Variants in FIBP observed in about 807,000 individuals in gnomAD.
The protein encoded by FIBP is acidic fibroblast growth factor intracellular-binding protein.
In FIBP, 29 loss-of-function variants were observed where a neutral mutation model predicts 40.5. The ratio of observed to expected loss-of-function variants is 0.72; its 90% CI spans 0.53 to 0.98. FIBP has a LOEUF of 0.98. Ranked by LOEUF, FIBP falls within the 50% of genes least tolerant of loss-of-function variation. FIBP has a pLI of 0.00. For missense variants in FIBP, 411 were observed against 470.2 expected, an observed-to-expected ratio of 0.87 and a Z score of 1.16; for synonymous variants, 215 against 191.1, an observed-to-expected ratio of 1.13 and a Z score of -1.03.
At chr11:65,884,758 C>T in intron 7 of FIBP, 102 bp from the exon 8 acceptor site, 1 of 1,342,836 alleles carries the variant, frequency 7.4e-7, no homozygotes, top group Non-Finnish European at 1.1e-6. Context: ...CAGATCCATC[C>T]ACCTCCCTCC....
Position 65,885,008 on chromosome 11 carries a change from G to A in FIBP, c.756-10C>T. On this transcript the variant is annotated splice_polypyrimidine_tract_variant and intron_variant, in intron 6 of 9. Coordinates refer to ENST00000357519, the MANE Select transcript of FIBP (RefSeq NM_004214.5). ...AGCAGTGCACACCAGGCTGCAGAGA[G>A]ACAGGGTCACGCCTATAGCCACCTG... 1 of 1,614,186 alleles carries A rather than the reference G, an allele frequency of 6.2e-7. No homozygotes were observed. Among genetic ancestry groups the A allele is most frequent in the Non-Finnish European group, 8.5e-7 (1 of 1,180,018 alleles).
Position 65,886,363 on chromosome 11 carries a change from G to C in FIBP, c.471C>G (p.Asp157Glu), listed in dbSNP as rs202203941. 3 of 1,613,900 alleles carry C rather than the reference G, an allele frequency of 1.9e-6. No individual in the cohort carries two copies. Among genetic ancestry groups the C allele is most frequent in the Non-Finnish European group, 1.7e-6 (2 of 1,179,954 alleles). ...AGAGGAGGAAGTGTTGCTGAATATT[G>C]TCCACCAGGGAGCCCCGCATTTCCT... ...VVEEMRGSLV[D>E]NIQQHFLLSD... Residue 157 changes from aspartate (D) to glutamate (E), a missense_variant, in exon 4 of 10, where the codon GAC (aspartate) becomes GAG (glutamate). By Grantham distance (45) the Asp-to-Glu change is conservative (BLOSUM62 2). Coordinates refer to ENST00000357519, the MANE Select transcript of FIBP (RefSeq NM_004214.5).
At chr11:65,887,509 G>T in intron 3 of FIBP, 91 bp downstream of exon 3, 2 of 1,382,222 alleles carry the variant, frequency 1.4e-6, no homozygotes, top group Non-Finnish European at 2.0e-6. Flanking sequence ...TGAAGCTGCT[G>T]CCACAATCAG....
chr11:65,883,740 T>G lies in FIBP; in HGVS notation c.*234A>C. The G allele has an allele frequency of 2.2e-6, 2 of 918,628 alleles. No individual in the cohort carries two copies. Among genetic ancestry groups the G allele is most frequent in the Non-Finnish European group, 3.4e-6 (2 of 590,920 alleles). 56.9% of individuals were successfully genotyped at this position (918,628 alleles called of 1,614,324 possible). A position where few individuals can be genotyped will look rare whatever the true frequency, so the allele number is the denominator to read the frequency against. On this transcript the variant is annotated 3_prime_UTR_variant, in exon 10 of 10. Transcript: ENST00000357519. Reference sequence around the variant, plus strand: ...CCTGAATAAACCAAGACAAGACCTCTGGCTTGTGAGCAGACTCTTCTGGTG... The same window carrying G: ...CCTGAATAAACCAAGACAAGACCTCGGGCTTGTGAGCAGACTCTTCTGGTG...
In FIBP at chr11:65,884,918, T is replaced by C. The variant is rs775253016; in HGVS notation, c.819+17A>G. On this transcript the variant is annotated intron_variant, in intron 7 of 9. Transcript: ENST00000357519. Reference sequence around the variant, plus strand: ...GCTGAAGATGCCAAGGGTCAGAGGCTGGATGGGACCACAGACCTTGAAGTT... The same window carrying C: ...GCTGAAGATGCCAAGGGTCAGAGGCCGGATGGGACCACAGACCTTGAAGTT... The C allele has an allele frequency of 6.8e-6, 11 of 1,613,828 alleles. No homozygotes were observed. The highest frequency in any genetic ancestry group is 4.4e-5 in the South Asian group (4 of 91,088).
intron 4 of FIBP, 122 bp downstream of exon 4, chr11:65,886,200 A>G: frequency 1.7e-6 from 1 of 589,680 alleles, no homozygotes; most frequent in South Asian, 2.2e-5. Context: ...AGTACAGACC[A>G]AAAGTGGGAT....
At chr11:65,885,213 T>TG (rs754111636) in intron 5 of FIBP, 27 bp from the exon 6 acceptor site, 3 of 386,770 alleles carry the variant, frequency 7.8e-6, no homozygotes, top group Non-Finnish European at 1.5e-5. Flanking sequence ...GGGGTGGGGG[T>TG]GGGTGATAAA....
In FIBP at chr11:65,884,558, A is replaced by C; in HGVS notation, c.906+12T>G. On this transcript the variant is annotated intron_variant, in intron 8 of 9. Coordinates refer to ENST00000357519, the MANE Select transcript of FIBP (RefSeq NM_004214.5). ...CAGACCAGGTTGGGTGTCAGAGAGC[A>C]CGACAGCTCACCTTCTCCACGAGGT... The C allele has an allele frequency of 6.2e-7, 1 of 1,614,132 alleles. No individual in the cohort carries two copies. Among genetic ancestry groups the C allele is most frequent in the Non-Finnish European group, 8.5e-7 (1 of 1,179,974 alleles).
chr11:65,886,274 C>A, intron 4 of FIBP, 48 bp downstream of exon 4: 1 of 1,350,856 alleles, frequency 7.4e-7, no homozygotes, highest in South Asian at 1.2e-5. Flanking sequence ...GACGAGCCTC[C>A]GGGCCCAGGA....
intron 5 of FIBP, 85 bp from the exon 6 acceptor site, chr11:65,885,271 T>TC: frequency 4.3e-6 from 5 of 1,168,146 alleles, no homozygotes; most frequent in South Asian, 2.5e-5. Context: ...CCACCTTATT[T>TC]CCCCCCTGGG....
rs202203941 is a variant in FIBP at position 65,886,363 on chromosome 11, G to A, written c.471C>T (p.Asp157=). 2.5e-6 allele frequency: 4 copies of A among 1,613,782 alleles called. No individual in the cohort carries two copies. The South Asian group carries it at 3.3e-5, about 13-fold the overall frequency. Residue 157 remains aspartate (D), a synonymous_variant, in exon 4 of 10, where the codon GAC becomes GAT. Coordinates refer to ENST00000357519, the MANE Select transcript of FIBP (RefSeq NM_004214.5). ...VVEEMRGSLV[D]NIQQHFLLSD... ...AGAGGAGGAAGTGTTGCTGAATATT[G>A]TCCACCAGGGAGCCCCGCATTTCCT...
chr11:65,883,846 G>A lies in FIBP; in HGVS notation c.*128C>T, dbSNP rs539418567. 3.2e-4 allele frequency: 264 copies of A among 832,304 alleles called. No homozygotes were observed. Among genetic ancestry groups the A allele is most frequent in the Non-Finnish European group, 4.6e-4 (241 of 519,498 alleles). 51.6% of individuals were successfully genotyped at this position (832,304 alleles called of 1,614,324 possible). ...ACTGTACACATCCATCCTTGTACAC[G>A]GACACCAGGTGCTCAGAGACAGACA... On this transcript the variant is annotated 3_prime_UTR_variant, in exon 10 of 10. Transcript: ENST00000357519.
At chr11:65,885,907 T>C (rs1029199838) in intron 4 of FIBP, 1 of 503,640 alleles carries the variant, frequency 2.0e-6, no homozygotes, top group African/African-American at 1.9e-5. Flanking sequence ...TACTGAGCAC[T>C]TCCTAAGTGC....
chr11:65,884,098 G>C, intron 9 of FIBP, 55 bp from the exon 10 acceptor site: 1 of 1,405,714 alleles, frequency 7.1e-7, no homozygotes, highest in African/African-American at 1.4e-5. Context: ...CCGTGATGGA[G>C]GCCCTGCCCT....
chr11:65,888,170 G>C, intron 1 of FIBP, 38 bp from the exon 2 acceptor site: 1 of 1,529,734 alleles, frequency 6.5e-7, no homozygotes, highest in African/African-American at 1.4e-5. Context: ...CCGCCCCGCC[G>C]ACGCCAGAGG....
rs750133528 is a variant in FIBP at position 65,886,437 on chromosome 11, G to C, written c.412-15C>G. ...AAGTTGTCAAACTGCAGGGCAGTTA[G>C]GGTAGAAGAGAGGACTGGTCAGAGT... On this transcript the variant is annotated splice_polypyrimidine_tract_variant and intron_variant, in intron 3 of 9. Transcript: ENST00000357519. 1 of 1,574,256 alleles carries C rather than the reference G, an allele frequency of 6.4e-7. No homozygotes were observed. Among genetic ancestry groups the C allele is most frequent in the South Asian group, 1.1e-5 (1 of 90,296 alleles).
chr11:65,888,345 T>C lies in FIBP; in HGVS notation c.74A>G (p.Asp25Gly), dbSNP rs1225810374. 2.6e-6 allele frequency: 4 copies of C among 1,554,634 alleles called. No individual in the cohort carries two copies. The African/African-American group carries it at 5.5e-5, about 21-fold the overall frequency. Reference protein sequence around the residue: ...IDEDVYRLWLDGYSVTDAVAL... With the variant: ...IDEDVYRLWLGGYSVTDAVAL... Reference sequence around the variant, plus strand: ...CGCCCCTCACGGACCCGAGTAACCATCGAGCCAGAGGCGATACACGTCCTC... The same window carrying C: ...CGCCCCTCACGGACCCGAGTAACCACCGAGCCAGAGGCGATACACGTCCTC... The change falls in exon 1 of 10, where the codon GAT becomes GGT. Residue 25 changes from aspartate to glycine, a missense_variant. By Grantham distance (94) the Asp-to-Gly change is moderately conservative. Transcript: ENST00000357519.
intron 1 of FIBP, 84 bp downstream of exon 1, chr11:65,888,250 G>A (rs936098834): frequency 4.9e-4 from 729 of 1,480,994 alleles, no homozygotes; most frequent in Non-Finnish European, 6.3e-4. Context: ...CTTCCCTAAA[G>A]GATGCCCAAG....
At chr11:65,885,782 G>T in intron 4 of FIBP, 119 bp from the exon 5 acceptor site, 1 of 1,004,494 alleles carries the variant, frequency 1.0e-6, no homozygotes, top group Non-Finnish European at 1.5e-6. Flanking sequence ...AAGTCACTGT[G>T]TGACGTGTCT....
Sources: allele counts gnomAD v4.1 joint callset, GRCh38; gene constraint gnomAD v4.1.1; transcripts MANE v1.5; gene names NCBI Gene and HGNC (gene_info 2026-07-23, HGNC 2026-07-21).